EXOC4: variants seen among roughly 807,000 people sequenced by gnomAD.
EXOC4 encodes the protein SEC8-like 1.
Under a neutral mutation model 107.2 loss-of-function variants are expected in EXOC4, and 71 were observed. That is an observed-to-expected ratio of 0.66 (90% CI 0.55 to 0.81). EXOC4 has a LOEUF of 0.81. Ranked by LOEUF, EXOC4 falls within the 30% of genes least tolerant of loss-of-function variation. The pLI is 0.00. For synonymous variants in EXOC4, 456 were observed against 441.2 expected, an observed-to-expected ratio of 1.03 and a Z score of -0.42; for missense variants, 1,108 against 1,189.6, an observed-to-expected ratio of 0.93 and a Z score of 1.01.
At chr7:133,645,058 A>G (rs908919268) in intron 10 of EXOC4, among the ~76,000 whole-genome samples, 1 of 149,112 alleles carries the variant, frequency 6.7e-6, no homozygotes, top group East Asian at 2.0e-4. Flanking sequence ...TCCCTCAGCA[A>G]CATCTTTTCT....
intron 17 of EXOC4, among the ~76,000 whole-genome samples, chr7:134,017,358 AGGGGC>A (rs1794934250): frequency 6.6e-6 from 1 of 152,270 alleles, no homozygotes; most frequent in East Asian, 1.9e-4. Context: ...TGATTTTCCT[AGGGGC>A]CAGAGTAAAT....
At chr7:133,956,910 G>T (rs1800831995) in intron 14 of EXOC4, among the ~76,000 whole-genome samples, 1 of 151,992 alleles carries the variant, frequency 6.6e-6, no homozygotes, top group Non-Finnish European at 1.5e-5. Flanking sequence ...TAATCACTTT[G>T]GCCTGTACAG....
At chr7:133,701,777 C>CA (rs1794660201) in intron 10 of EXOC4, among the ~76,000 whole-genome samples, 1 of 151,888 alleles carries the variant, frequency 6.6e-6, no homozygotes, top group African/African-American at 2.4e-5. Flanking sequence ...AGTCTAAATA[C>CA]AAAATTCATT....
intron 1 of EXOC4, among the ~76,000 whole-genome samples, chr7:133,271,371 G>A (rs1478647469): frequency 6.6e-6 from 1 of 152,100 alleles, no homozygotes; most frequent in Non-Finnish European, 1.5e-5. Flanking sequence ...CCATTGCTTG[G>A]CATCATGCAT....
intron 9 of EXOC4, among the ~76,000 whole-genome samples, chr7:133,490,234 A>T (rs1799346980): frequency 6.6e-6 from 1 of 152,182 alleles, no homozygotes; most frequent in Non-Finnish European, 1.5e-5. Flanking sequence ...ATGAGAGATG[A>T]GTAAACTCTG....
intron 11 of EXOC4, among the ~76,000 whole-genome samples, chr7:133,838,382 T>A (rs1250412130): frequency 6.6e-6 from 1 of 152,212 alleles, no homozygotes; most frequent in East Asian, 1.9e-4. Flanking sequence ...CCCCTTCATC[T>A]GCAATATTAA....
chr7:133,515,475 GAGAA>G (rs976947150), intron 9 of EXOC4, among the ~76,000 whole-genome samples: 13 of 152,008 alleles, frequency 8.6e-5, no homozygotes, highest in African/African-American at 2.9e-4. Context: ...TATAGTGAGA[GAGAA>G]AGAGAGAGAG....
At chr7:133,590,982 G>T (rs1157113579) in intron 9 of EXOC4, among the ~76,000 whole-genome samples, 1 of 152,170 alleles carries the variant, frequency 6.6e-6, no homozygotes, top group African/African-American at 2.4e-5. Flanking sequence ...GCTGATACAG[G>T]GCTCAGCCCT....
At chr7:133,492,179 A>G (rs962165901) in intron 9 of EXOC4, among the ~76,000 whole-genome samples, 4 of 152,048 alleles carry the variant, frequency 2.6e-5, no homozygotes, top group African/African-American at 4.8e-5. Flanking sequence ...CAAAGAGGCA[A>G]GTTTTGTTAT....
intron 7 of EXOC4, among the ~76,000 whole-genome samples, chr7:133,420,355 T>C (rs1797576885): frequency 1.3e-5 from 2 of 151,970 alleles, no homozygotes; most frequent in African/African-American, 2.4e-5. Context: ...CACATTTTCT[T>C]AATCCAGTCT....
intron 17 of EXOC4, among the ~76,000 whole-genome samples, chr7:134,045,192 A>G (rs1319810263): frequency 6.6e-6 from 1 of 152,180 alleles, no homozygotes; most frequent in Non-Finnish European, 1.5e-5. Context: ...TCTTTGGCTG[A>G]ATTATATTTC....
chr7:133,394,402 T>C (rs1796923998), intron 7 of EXOC4, among the ~76,000 whole-genome samples: 1 of 152,206 alleles, frequency 6.6e-6, no homozygotes, highest in East Asian at 1.9e-4. Flanking sequence ...ATAGCTTTGG[T>C]TTGTAATTAC....
Position 133,412,278 on chromosome 7 carries a change from GTTTTTTT to G in EXOC4, c.1182+37293_1182+37299del, listed in dbSNP as rs35334259. 9.9e-4 allele frequency among the ~76,000 whole-genome samples: 71 copies of G among 71,480 alleles called. 2 individuals are homozygous for G. Among genetic ancestry groups the G allele is most frequent in the Admixed American group, 1.5e-3 (6 of 4,110 alleles). 46.9% of individuals were successfully genotyped at this position (71,480 alleles called of 152,430 possible). ...ATCTGGTCAATACTGTCAGAATTCA[GTTTTTTT>G]TTTTTTTTTTTTTTTTGCCAGTATT... On this transcript the variant is annotated intron_variant, in intron 7 of 17. Transcript: ENST00000253861.
chr7:133,638,474 A>G (rs570151552), intron 10 of EXOC4, among the ~76,000 whole-genome samples: 1 of 152,122 alleles, frequency 6.6e-6, no homozygotes, highest in African/African-American at 2.4e-5. Flanking sequence ...GCTGATGATT[A>G]TCATTGGCAG....
At chr7:133,531,867 A>G (rs551081711) in intron 9 of EXOC4, among the ~76,000 whole-genome samples, 14 of 152,112 alleles carry the variant, frequency 9.2e-5, no homozygotes, top group Non-Finnish European at 2.1e-4. Context: ...AATATCCCGT[A>G]TCCAAAATGC....
intron 5 of EXOC4, among the ~76,000 whole-genome samples, chr7:133,345,076 C>T (rs1026419715): frequency 6.6e-6 from 1 of 152,128 alleles, no homozygotes; most frequent in Non-Finnish European, 1.5e-5. Flanking sequence ...ACATAAGCAA[C>T]CACCTTTGTC....
intron 10 of EXOC4, among the ~76,000 whole-genome samples, chr7:133,645,084 A>AC (rs1802955282): frequency 2.5e-5 from 2 of 79,156 alleles, no homozygotes; most frequent in Non-Finnish European, 2.3e-5. Context: ...GCCTTCTGCC[A>AC]CCTTTTTTTT....
the EXOC4 span, among the ~76,000 whole-genome samples, chr7:134,094,434 C>A: frequency 6.6e-6 from 1 of 152,134 alleles, no homozygotes; most frequent in East Asian, 1.9e-4. Flanking sequence ...AACCTACAAA[C>A]CAAAAAATAT....
intron 10 of EXOC4, among the ~76,000 whole-genome samples, chr7:133,726,318 A>T (rs1169760243): frequency 6.6e-6 from 1 of 152,226 alleles, no homozygotes; most frequent in Admixed American, 6.5e-5. Context: ...GCCAAGTACA[A>T]GTGTGTCAAG....
Sources: gnomAD v4.1 joint callset for allele counts (sites outside exome capture counted in the v4.1 genomes callset) on GRCh38, gnomAD v4.1.1 for gene constraint, MANE v1.5 for transcripts, NCBI Gene and HGNC (gene_info 2026-07-23, HGNC 2026-07-21) for gene names.